CLASP1: variants seen among roughly 807,000 people sequenced by gnomAD.
CLASP1 encodes CLIP-associating protein 1.
CLASP1 carries 38 observed loss-of-function variants against 192.3 expected under a neutral mutation model. The ratio of observed to expected loss-of-function variants is 0.20; its 90% CI spans 0.15 to 0.26. The LOEUF is 0.26. CLASP1 is among the 10% of genes least tolerant of loss of function. The pLI is 1.00. For synonymous variants in CLASP1, 691 were observed against 712.8 expected, an observed-to-expected ratio of 0.97 and a Z score of 0.49; for missense variants, 1,433 against 1,932.5, an observed-to-expected ratio of 0.74 and a Z score of 4.85.
chr2:121,627,503 C>T lies in CLASP1; in HGVS notation c.-285-21323G>A, dbSNP rs181492022. ...GCTTTCCTGCAAGGCTCTACTTTTC[C>T]AATTCCTTAGGAAACATGGAAAAAA... On this transcript the variant is annotated intron_variant, in intron 1 of 39. Transcript: ENST00000263710. Among the ~76,000 whole-genome samples the T allele has an allele frequency of 1.8e-3, 280 of 152,270 alleles. 1 individual carries two copies. The highest frequency in any genetic ancestry group is 2.8e-3 in the Admixed American group (43 of 15,294).
chr2:121,380,372 G>A (rs1179937812), intron 33 of CLASP1, among the ~76,000 whole-genome samples: 1 of 152,174 alleles, frequency 6.6e-6, no homozygotes, highest in Non-Finnish European at 1.5e-5. Context: ...TGGGTTAGAG[G>A]TCAGGCCCTG....
chr2:121,372,712 C>T lies in CLASP1; in HGVS notation c.3642+4787G>A, dbSNP rs1041290449. ...TGAATTATTCTCCATTCCATAGTTA[C>T]AGTAGCCTGTCTAAAATATAAGTAT... On this transcript the variant is annotated intron_variant, in intron 34 of 39. Transcript: ENST00000263710. 3.9e-5 allele frequency among the ~76,000 whole-genome samples: 6 copies of T among 152,208 alleles called. No individual in the cohort carries two copies. The East Asian group carries it at 7.7e-4, about 20-fold the overall frequency.
At chr2:121,638,080 C>T (rs1445449610) in intron 1 of CLASP1, among the ~76,000 whole-genome samples, 3 of 151,746 alleles carry the variant, frequency 2.0e-5, no homozygotes, top group Non-Finnish European at 4.4e-5. Flanking sequence ...GGACTTGTAA[C>T]CAAAAGATAT....
chr2:121,531,020 T>TTTCATAGACTTATCAGTTCAA, intron 2 of CLASP1: 1 of 700,104 alleles, frequency 1.4e-6, no homozygotes, highest in Non-Finnish European at 2.6e-6. Context: ...GAAAACCTGT[T>TTTCATAGACTTATCAGTTCAA]TTCATAGACT....
chr2:121,479,056 C>CACACACA (rs1559371349), intron 8 of CLASP1, among the ~76,000 whole-genome samples: 2 of 101,216 alleles, frequency 2.0e-5, no homozygotes, highest in African/African-American at 9.1e-5. Flanking sequence ...CACCCCCCCC[C>CACACACA]CACACACACA....
chr2:121,529,361 A>C (rs2094684764), intron 3 of CLASP1, among the ~76,000 whole-genome samples: 1 of 152,214 alleles, frequency 6.6e-6, no homozygotes, highest in Non-Finnish European at 1.5e-5. Flanking sequence ...ATTACATGAG[A>C]TATCCCTGAA....
intron 33 of CLASP1, among the ~76,000 whole-genome samples, chr2:121,378,358 T>C (rs2070772634): frequency 1.3e-5 from 2 of 152,184 alleles, no homozygotes; most frequent in Admixed American, 1.3e-4. Flanking sequence ...AAAATCCTCA[T>C]AAAAGCAAGA....
At chr2:121,462,266 C>T (rs1272048798) in intron 10 of CLASP1, among the ~76,000 whole-genome samples, 2 of 150,982 alleles carry the variant, frequency 1.3e-5, no homozygotes, top group African/African-American at 2.4e-5. Flanking sequence ...TCTAATTTAG[C>T]GTCATCTATT....
At chr2:121,432,196 A>T (rs1025230036) in intron 19 of CLASP1, among the ~76,000 whole-genome samples, 3 of 152,142 alleles carry the variant, frequency 2.0e-5, no homozygotes, top group Non-Finnish European at 2.9e-5. Context: ...GGCTTACTGC[A>T]ACCTCCACCT....
intron 2 of CLASP1, among the ~76,000 whole-genome samples, chr2:121,601,057 A>T (rs189775003): frequency 6.6e-6 from 1 of 152,182 alleles, no homozygotes; most frequent in Non-Finnish European, 1.5e-5. Flanking sequence ...CATTGCCTTA[A>T]CTACTACTGG....
chr2:121,388,723 G>A (rs1028996101), intron 30 of CLASP1, among the ~76,000 whole-genome samples: 1 of 151,884 alleles, frequency 6.6e-6, no homozygotes, highest in Non-Finnish European at 1.5e-5. Context: ...TAAAAGCTAA[G>A]CCAAAAAAAA....
intron 1 of CLASP1, among the ~76,000 whole-genome samples, chr2:121,611,396 T>TGGA (rs1320265481): frequency 5.2e-5 from 5 of 96,490 alleles, no homozygotes; most frequent in African/African-American, 2.1e-4. Context: ...AAAGAGGAAC[T>TGGA]GGAGGAGGAG....
chr2:121,448,532 G>A (rs1402805690), intron 17 of CLASP1, among the ~76,000 whole-genome samples: 2 of 152,214 alleles, frequency 1.3e-5, no homozygotes, highest in African/African-American at 2.4e-5. Context: ...TACAGAGAGT[G>A]AAATAGTAAC....
At chr2:121,447,447 T>G in exon 19 of CLASP1, 1 of 1,560,112 alleles carries the variant, frequency 6.4e-7, no homozygotes, top group East Asian at 2.4e-5. Context: ...CACATCAATA[T>G]CACTTCGAGA....
chr2:121,357,758 C>T (rs1321720622), intron 37 of CLASP1, among the ~76,000 whole-genome samples: 1 of 152,204 alleles, frequency 6.6e-6, no homozygotes, highest in African/African-American at 2.4e-5. Context: ...CTCCACTCGA[C>T]ACAGAGAATA....
chr2:121,359,846 T>A (rs2066037019), intron 37 of CLASP1, among the ~76,000 whole-genome samples: 1 of 152,240 alleles, frequency 6.6e-6, no homozygotes, highest in Non-Finnish European at 1.5e-5. Context: ...ACATGTATGT[T>A]AGCTTTGGAT....
chr2:121,360,976 AT>A (rs2066284961), intron 37 of CLASP1, among the ~76,000 whole-genome samples: 1 of 152,178 alleles, frequency 6.6e-6, no homozygotes, highest in African/African-American at 2.4e-5. Flanking sequence ...AAAAAAAAAA[AT>A]CTCCCAAGAA....
chr2:121,504,765 A>C (rs2093887527), intron 7 of CLASP1, among the ~76,000 whole-genome samples: 1 of 152,156 alleles, frequency 6.6e-6, no homozygotes, highest in Admixed American at 6.5e-5. Context: ...ATTCCATAGG[A>C]GACACCAACA....
At chr2:121,517,029 GA>G (rs925178813) in intron 6 of CLASP1, among the ~76,000 whole-genome samples, 1 of 148,236 alleles carries the variant, frequency 6.7e-6, no homozygotes, top group Admixed American at 6.7e-5. Flanking sequence ...GTCTCAGAAA[GA>G]AAAAAAAAAT....
Sources: allele counts gnomAD v4.1 joint callset (sites outside exome capture counted in the v4.1 genomes callset), GRCh38; gene constraint gnomAD v4.1.1; transcripts MANE v1.5; gene names NCBI Gene and HGNC (gene_info 2026-07-23, HGNC 2026-07-21).